Variants in INHBC observed in about 807,000 individuals in gnomAD.
INHBC encodes inhibin beta C chain.
INHBC carries 10 observed loss-of-function variants against 12.4 expected under a neutral mutation model. That is an observed-to-expected ratio of 0.81 (90% confidence interval 0.50 to 1.37). The LOEUF (loss-of-function observed/expected upper bound fraction) is 1.37. Among genes scored for constraint, INHBC ranks in the 40% most tolerant of loss-of-function variants. INHBC has a pLI of 0.00. For missense variants in INHBC, 382 were observed against 439.4 expected, an observed-to-expected ratio of 0.87 and a Z score of 1.17; for synonymous variants, 147 against 171.6, an observed-to-expected ratio of 0.86 and a Z score of 1.12.
chr12:57,443,113 C>CTTTTTTTTTTTT (rs34935222), intron 1 of INHBC, among the ~76,000 whole-genome samples: 2 of 72,398 alleles, frequency 2.8e-5, no homozygotes, highest in African/African-American at 5.7e-5. Flanking sequence ...ATAAAGCACT[C>CTTTTTTTTTTTT]TTTTTTTTTT....
intron 1 of INHBC, among the ~76,000 whole-genome samples, chr12:57,441,966 C>A (rs1407300815): frequency 1.3e-5 from 2 of 152,146 alleles, no homozygotes; most frequent in African/African-American, 4.8e-5. Flanking sequence ...CAAGCATGAG[C>A]CATTGCCCCC....
At chr12:57,435,295 A>T in intron 1 of INHBC, 96 bp downstream of exon 1, 3 of 1,170,264 alleles carry the variant, frequency 2.6e-6, no homozygotes, top group Admixed American at 2.4e-5. Context: ...TTCCCCAAAA[A>T]CCATCCAACC....
chr12:57,434,933 C>T lies in INHBC; in HGVS notation c.47C>T (p.Thr16Ile), dbSNP rs12831866. ...GCCTTTCTCCTCCTGGCTCCAACCACAGTGGCCACTCCCAGAGCTGGCGGT... is the reference window on the plus strand; with the variant it reads ...GCCTTTCTCCTCCTGGCTCCAACCATAGTGGCCACTCCCAGAGCTGGCGGT... ...LLAFLLLAPT[T>I]VATPRAGGQC... is the part of the protein sequence containing the mutation. Residue 16 changes from threonine (T) to isoleucine (I), a missense_variant, in exon 1 of 2, where the codon ACA becomes ATA. Thr to Ile is a moderately conservative substitution (Grantham distance 89). Coordinates refer to ENST00000309668, the MANE Select transcript of INHBC (RefSeq NM_005538.4). 2 of 1,614,170 alleles carry T rather than the reference C, an allele frequency of 1.2e-6. No individual in the cohort carries two copies. The highest frequency in any genetic ancestry group is 1.7e-6 in the Non-Finnish European group (2 of 1,179,992).
At chr12:57,437,670 CAA>C (rs34920755) in intron 1 of INHBC, among the ~76,000 whole-genome samples, 14 of 113,846 alleles carry the variant, frequency 1.2e-4, no homozygotes, top group African/African-American at 1.0e-4. Context: ...CACTCCGTCT[CAA>C]AAAAAAAAAA....
chr12:57,449,215 G>T, intron 1 of INHBC, 62 bp from the exon 2 acceptor site: 1 of 1,551,366 alleles, frequency 6.4e-7, no homozygotes, highest in Non-Finnish European at 8.7e-7. Context: ...TGAGTACAGA[G>T]AAATAGTTGG....
intron 1 of INHBC, among the ~76,000 whole-genome samples, chr12:57,440,465 T>G (rs1396890742): frequency 6.6e-6 from 1 of 151,684 alleles, no homozygotes; most frequent in Non-Finnish European, 1.5e-5. Flanking sequence ...CCTGAGTAGC[T>G]GGGACTACAG....
intron 1 of INHBC, among the ~76,000 whole-genome samples, chr12:57,447,745 G>A (rs1870610938): frequency 6.9e-6 from 1 of 145,896 alleles, no homozygotes; most frequent in African/African-American, 2.5e-5. Context: ...TTAGCTGGGT[G>A]CAGCTACTTG....
In INHBC at chr12:57,437,203, C is replaced by T. The variant is rs146662948; in HGVS notation, c.313+2004C>T. ...GTTTGAGACTGCACTGAGCTGTTTG[C>T]ACCACTGCCCTCCAGCCTGGGCAAC... On this transcript the variant is annotated intron_variant, in intron 1 of 1. Coordinates refer to ENST00000309668, the MANE Select transcript of INHBC (RefSeq NM_005538.4). 9.2e-5 allele frequency among the ~76,000 whole-genome samples: 14 copies of T among 152,254 alleles called. No individual in the cohort carries two copies. The East Asian group carries it at 1.9e-3, about 21-fold the overall frequency.
chr12:57,450,054 A>G lies in INHBC; in HGVS notation c.*32A>G, dbSNP rs1235314010. On this transcript the variant is annotated 3_prime_UTR_variant, in exon 2 of 2. Transcript: ENST00000309668. The stretch of plus-strand genomic sequence containing the variant: ...TGTGGTATGGGCAGCCCAAGGTTGC[A>G]TGGGAAAACACGCCCCTACAGAAGT... 5 of 1,479,072 alleles carry G rather than the reference A, an allele frequency of 3.4e-6. No homozygotes were observed. Among genetic ancestry groups the G allele is most frequent in the Non-Finnish European group, 3.6e-6 (4 of 1,119,880 alleles). 91.6% of individuals were successfully genotyped at this position (1,479,072 alleles called of 1,614,324 possible). A position where few individuals can be genotyped will look rare whatever the true frequency, so the allele number is the denominator to read the frequency against.
Position 57,449,819 on chromosome 12 carries a change from G to A in INHBC, c.856G>A (p.Gly286Ser). The A allele has an allele frequency of 6.2e-7, 1 of 1,613,412 alleles. No individual in the cohort carries two copies. The highest frequency in any genetic ancestry group is 8.5e-7 in the Non-Finnish European group (1 of 1,179,486). The part of the protein sequence containing the change: ...CIGQCPLHIA[G>S]MPGIAASFHT... ...AGGGCAGTGCCCACTACACATAGCA[G>A]GCATGCCTGGTATTGCTGCCTCCTT... is the stretch of plus-strand genomic sequence containing the variant. The change falls in exon 2 of 2, where the codon GGC becomes AGC. Residue 286 changes from glycine to serine, a missense_variant. By Grantham distance (56) the Gly-to-Ser change is moderately conservative. Transcript: ENST00000309668.
chr12:57,451,738 G>A lies in INHBC; in HGVS notation c.*1716G>A. 2.4e-6 allele frequency: 1 copy of A among 410,710 alleles called. No homozygotes were observed. The highest frequency in any genetic ancestry group is 4.9e-6 in the Non-Finnish European group (1 of 205,412). 25.4% of individuals were successfully genotyped at this position (410,710 alleles called of 1,614,324 possible). A position where few individuals can be genotyped will look rare whatever the true frequency, so the allele number is the denominator to read the frequency against. The stretch of plus-strand genomic sequence containing the variant: ...GTAAATCTGAGCTTGAGGGCTTCCT[G>A]AGCAACCCATGGAAGTTATCCCACC... On this transcript the variant is annotated 3_prime_UTR_variant, in exon 2 of 2. Transcript: ENST00000309668.
chr12:57,447,173 A>C (rs1318339220), intron 1 of INHBC, among the ~76,000 whole-genome samples: 2 of 152,130 alleles, frequency 1.3e-5, no homozygotes, highest in African/African-American at 4.8e-5. Flanking sequence ...TGAAGAAAGT[A>C]ATCATAGTTT....
At chr12:57,445,998 G>A (rs1352895847) in intron 1 of INHBC, among the ~76,000 whole-genome samples, 5 of 151,694 alleles carry the variant, frequency 3.3e-5, no homozygotes, top group East Asian at 3.9e-4. Context: ...GCAGTGGCGC[G>A]ATGTCAGCTC....
intron 1 of INHBC, among the ~76,000 whole-genome samples, chr12:57,439,692 A>T (rs1870416100): frequency 6.6e-6 from 1 of 152,210 alleles, no homozygotes; most frequent in Non-Finnish European, 1.5e-5. Flanking sequence ...CAAGACAGAC[A>T]CTTCTTTAGG....
intron 1 of INHBC, among the ~76,000 whole-genome samples, chr12:57,441,870 A>G (rs984126833): frequency 2.2e-4 from 33 of 152,020 alleles, no homozygotes; most frequent in African/African-American, 7.7e-4. Context: ...TAGTAGAGAC[A>G]GGGTTTCACC....
Position 57,434,980 on chromosome 12 carries a change from C to T in INHBC, c.94C>T (p.Pro32Ser). 6.2e-7 allele frequency: 1 copy of T among 1,614,196 alleles called. No individual in the cohort carries two copies. The highest frequency in any genetic ancestry group is 8.5e-7 in the Non-Finnish European group (1 of 1,180,040). ...AGGQCPACGG[P>S]TLELESQREL... is the part of the protein sequence containing the mutation. ...CGGTCAGTGTCCAGCATGTGGGGGG[C>T]CCACCTTGGAACTGGAGAGCCAGCG... is the stretch of plus-strand genomic sequence containing the variant. Residue 32 changes from proline to serine, a missense_variant, in exon 1 of 2, where the codon CCC (proline) becomes TCC (serine). Coordinates refer to ENST00000309668, the MANE Select transcript of INHBC (RefSeq NM_005538.4).
rs1870685574 is a variant in INHBC, at chr12:57,450,296, T to C, written c.*274T>C. On this transcript the variant is annotated 3_prime_UTR_variant, in exon 2 of 2. Coordinates refer to ENST00000309668, the MANE Select transcript of INHBC (RefSeq NM_005538.4). ...GCCCCACTCCAGGGACTCAGACCCA[T>C]CTCCAACCATGAGCAATGCCATCTG... The C allele has an allele frequency of 6.5e-6, 2 of 306,544 alleles. No homozygotes were observed. Among genetic ancestry groups the C allele is most frequent in the Admixed American group, 4.9e-5 (1 of 20,480 alleles). 19.0% of individuals were successfully genotyped at this position (306,544 alleles called of 1,614,324 possible).
chr12:57,447,818 C>T (rs1339316236), intron 1 of INHBC, among the ~76,000 whole-genome samples: 76 of 116,406 alleles, frequency 6.5e-4, no homozygotes, highest in African/African-American at 2.3e-3. Context: ...GCTGAGATTG[C>T]GCCATTGCAC....
In INHBC at chr12:57,449,584, G is replaced by C. The variant is rs1870663127; in HGVS notation, c.621G>C (p.Gln207His). The C allele has an allele frequency of 6.2e-7, 1 of 1,614,130 alleles. No homozygotes were observed. Among genetic ancestry groups the C allele is most frequent in the Admixed American group, 1.7e-5 (1 of 60,010 alleles). The change falls in exon 2 of 2, where the codon CAG (glutamine) becomes CAC (histidine). Residue 207 changes from glutamine (Q) to histidine (H), a missense_variant. Physicochemically the swap from Gln to His is conservative, Grantham distance 24 (BLOSUM62 0). Transcript: ENST00000309668. ...LELVLEGQVA[Q>H]SSVILGGAAH... ...TGGTACTTGAAGGCCAGGTAGCCCA[G>C]AGCTCAGTCATCCTGGGTGGAGCTG...
Sources: gnomAD v4.1 joint callset for allele counts (sites outside exome capture counted in the v4.1 genomes callset) on GRCh38, gnomAD v4.1.1 for gene constraint, MANE v1.5 for transcripts, NCBI Gene and HGNC (gene_info 2026-07-23, HGNC 2026-07-21) for gene names.